CCDC68: variants seen among roughly 807,000 people sequenced by gnomAD.
CCDC68 encodes coiled-coil domain-containing protein 68.
A neutral mutation model predicts 47.1 loss-of-function variants in CCDC68; 45 were observed. That is an observed-to-expected ratio of 0.96 (90% CI 0.75 to 1.23). The LOEUF (loss-of-function observed/expected upper bound fraction) is 1.23. CCDC68 is among the 50% of genes most tolerant of loss of function. The pLI is 0.00. For missense variants in CCDC68, 353 were observed against 373.6 expected, an observed-to-expected ratio of 0.94 and a Z score of 0.45; for synonymous variants, 131 against 129.5, an observed-to-expected ratio of 1.01 and a Z score of -0.08.
intron 8 of CCDC68, among the ~76,000 whole-genome samples, chr18:54,927,595 T>C (rs961633481): frequency 6.6e-6 from 1 of 152,228 alleles, no homozygotes; most frequent in Non-Finnish European, 1.5e-5. Flanking sequence ...AATTAAGTTA[T>C]GAATATCCAT....
intron 7 of CCDC68, among the ~76,000 whole-genome samples, chr18:54,932,188 GTT>G (rs554711166): frequency 7.0e-6 from 1 of 141,882 alleles, no homozygotes. Context: ...AACCAATTTG[GTT>G]TTTTTTTTTT....
intron 6 of CCDC68, 148 bp downstream of exon 6, chr18:54,936,685 A>G: frequency 1.0e-6 from 1 of 971,634 alleles, no homozygotes; most frequent in Non-Finnish European, 1.5e-6. Flanking sequence ...GAAATTGGCA[A>G]AAGAGACAAG....
At chr18:54,954,059 T>TC (rs111553154) in intron 1 of CCDC68, among the ~76,000 whole-genome samples, 1 of 143,472 alleles carries the variant, frequency 7.0e-6, no homozygotes, top group East Asian at 2.0e-4. Context: ...TTTCTTTCTT[T>TC]TTTTTTTTTT....
Position 54,957,448 on chromosome 18 carries a change from A to G in CCDC68, c.-103+1888T>C, listed in dbSNP as rs534210685. On this transcript the variant is annotated intron_variant, in intron 1 of 11. Transcript: ENST00000591504. ...ATGTAGTAAATTCCAGGAGGATAGA[A>G]ATGTGTCTGATTTACACAGGGCTGT... Among the ~76,000 whole-genome samples the G allele has an allele frequency of 6.2e-4, 94 of 152,326 alleles. 5 individuals carry two copies. In the South Asian group the frequency reaches 0.018, roughly 30 times the overall value.
At position 54,903,672 on chromosome 18, in the gene CCDC68, C is replaced by T. The variant is rs984985998; in HGVS notation, c.*686G>A. ...TGTGTGTACAGGTTACCTCTAGAAACCAATTTTTAATCCCAGAACTAAGAA... is the reference window on the plus strand; with the variant it reads ...TGTGTGTACAGGTTACCTCTAGAAATCAATTTTTAATCCCAGAACTAAGAA... On this transcript the variant is annotated 3_prime_UTR_variant, in exon 12 of 12. Coordinates refer to ENST00000591504, the MANE Select transcript of CCDC68 (RefSeq NM_025214.3). 6.6e-6 allele frequency: 1 copy of T among 152,120 alleles called. No homozygotes were observed. The highest frequency in any genetic ancestry group is 1.5e-5 in the Non-Finnish European group (1 of 68,028). The allele number at this position is 152,120 out of a possible 1,614,324, so 9.4% of individuals were successfully genotyped here.
intron 1 of CCDC68, among the ~76,000 whole-genome samples, chr18:54,950,900 T>TC (rs1426742234): frequency 2.4e-5 from 1 of 41,250 alleles, no homozygotes; most frequent in East Asian, 1.2e-3. Flanking sequence ...CAGATGTCTT[T>TC]TTTTTTTTTT....
At chr18:54,950,033 T>C (rs1478170758) in intron 1 of CCDC68, among the ~76,000 whole-genome samples, 1 of 152,144 alleles carries the variant, frequency 6.6e-6, no homozygotes, top group Non-Finnish European at 1.5e-5. Flanking sequence ...CCTCCCATTT[T>C]CCAAACCTAG....
intron 3 of CCDC68, among the ~76,000 whole-genome samples, chr18:54,941,704 A>G (rs1795406352): frequency 6.6e-6 from 1 of 152,184 alleles, no homozygotes; most frequent in Non-Finnish European, 1.5e-5. Context: ...AAGGTAAAAT[A>G]TGAAATTTCT....
chr18:54,958,712 CCTT>C (rs2044753579), intron 1 of CCDC68, among the ~76,000 whole-genome samples: 1 of 152,120 alleles, frequency 6.6e-6, no homozygotes, highest in Non-Finnish European at 1.5e-5. Flanking sequence ...CCCGTACTAA[CCTT>C]CAGTAAGATA....
chr18:54,950,446 G>A (rs1156475853), intron 1 of CCDC68, among the ~76,000 whole-genome samples: 1 of 136,784 alleles, frequency 7.3e-6, no homozygotes. Flanking sequence ...AATCTCAGGT[G>A]ACTGTGCAGT....
rs531634298 is a variant in CCDC68, at chr18:54,901,675, G to C, written c.*2683C>G. 1 of 152,172 alleles carries C rather than the reference G, an allele frequency of 6.6e-6. No homozygotes were observed. The highest frequency in any genetic ancestry group is 2.1e-4 in the South Asian group (1 of 4,816). The allele number at this position is 152,172 out of a possible 1,614,324, so 9.4% of individuals were successfully genotyped here. ...AATTTGTAACAACATATGTAATCAA[G>C]GTAGAACTAAGTTTCTTTTCTTTTC... On this transcript the variant is annotated 3_prime_UTR_variant, in exon 12 of 12. Transcript: ENST00000591504.
At chr18:54,913,915 G>T (rs1431369463) in intron 10 of CCDC68, among the ~76,000 whole-genome samples, 1 of 152,206 alleles carries the variant, frequency 6.6e-6, no homozygotes, top group Non-Finnish European at 1.5e-5. Context: ...GGTCCAACAT[G>T]TGCTCAGGGA....
chr18:54,915,317 C>G (rs574996389), intron 10 of CCDC68, among the ~76,000 whole-genome samples: 2 of 152,246 alleles, frequency 1.3e-5, no homozygotes, highest in East Asian at 3.9e-4. Context: ...ACATTGTTTT[C>G]TAGAATTTAG....
intron 1 of CCDC68, among the ~76,000 whole-genome samples, chr18:54,950,940 G>A (rs1429306894): frequency 1.9e-5 from 2 of 106,028 alleles, no homozygotes; most frequent in Non-Finnish European, 3.4e-5. Context: ...ACGGAGTCTC[G>A]CTCTGTCGCC....
At chr18:54,925,837 A>C (rs1489082869) in intron 8 of CCDC68, among the ~76,000 whole-genome samples, 1 of 152,192 alleles carries the variant, frequency 6.6e-6, no homozygotes, top group Admixed American at 6.5e-5. Context: ...AGAAGAGAAG[A>C]GGTCAGATCC....
At chr18:54,904,794 A>T (rs913557855) in intron 11 of CCDC68, among the ~76,000 whole-genome samples, 9 of 152,224 alleles carry the variant, frequency 5.9e-5, no homozygotes, top group African/African-American at 1.9e-4. Context: ...CATTTTGCAT[A>T]GCCTGAATTT....
intron 10 of CCDC68, among the ~76,000 whole-genome samples, chr18:54,913,490 A>G (rs1914483761): frequency 6.6e-6 from 1 of 152,208 alleles, no homozygotes; most frequent in African/African-American, 2.4e-5. Context: ...GCTATTCACT[A>G]GGAATAGGAT....
chr18:54,957,980 A>T (rs1489021975), intron 1 of CCDC68: 1 of 152,176 alleles, frequency 6.6e-6, no homozygotes, highest in Non-Finnish European at 1.5e-5. Flanking sequence ...CTCACCTTCA[A>T]TGTTGAGCAT....
At chr18:54,925,371 T>C (rs1403691684) in intron 8 of CCDC68, among the ~76,000 whole-genome samples, 1 of 152,206 alleles carries the variant, frequency 6.6e-6, no homozygotes, top group Non-Finnish European at 1.5e-5. Flanking sequence ...AGGGCATGAA[T>C]AGCCTGAGCA....
Sources: allele counts gnomAD v4.1 joint callset (sites outside exome capture counted in the v4.1 genomes callset), GRCh38; gene constraint gnomAD v4.1.1; transcripts MANE v1.5; gene names NCBI Gene and HGNC (gene_info 2026-07-23, HGNC 2026-07-21).